AGAP1: variants seen among roughly 807,000 people sequenced by gnomAD.
AGAP1 encodes the protein arf-GAP with GTPase, ANK repeat and PH domain-containing protein 1.
A neutral mutation model predicts 105.3 loss-of-function variants in AGAP1; 29 were observed. The observed-to-expected ratio is 0.28, with a 90% CI of 0.21 to 0.38. The LOEUF (loss-of-function observed/expected upper bound fraction) is 0.38, where lower values mean the gene tolerates loss of function less well. Among genes scored for constraint, AGAP1 ranks in the 10% least tolerant of loss-of-function variants. AGAP1 has a pLI of 1.00. For synonymous variants in AGAP1, 509 were observed against 485.9 expected (o/e 1.05, Z -0.63); for missense variants, 998 against 1,165.1 (o/e 0.86, Z 2.09).
At chr2:235,697,555 G>A (rs1403874731) in intron 1 of AGAP1, among the ~76,000 whole-genome samples, 1 of 152,146 alleles carries the variant, frequency 6.6e-6, no homozygotes, top group Non-Finnish European at 1.5e-5. Context: ...TTCACAGACT[G>A]TGCTCCCTTC....
At chr2:236,019,606 G>A (rs1044997974) in intron 13 of AGAP1, among the ~76,000 whole-genome samples, 1 of 152,234 alleles carries the variant, frequency 6.6e-6, no homozygotes, top group African/African-American at 2.4e-5. Flanking sequence ...AGACGGGGCT[G>A]GAATTCCAGG....
intron 5 of AGAP1, among the ~76,000 whole-genome samples, chr2:235,746,331 G>A (rs539061614): frequency 7.2e-6 from 1 of 139,164 alleles, no homozygotes; most frequent in Non-Finnish European, 1.5e-5. Context: ...CAGTGTGCTA[G>A]ATGAGAGATG....
chr2:235,910,018 CAA>C (rs35849910), intron 11 of AGAP1, among the ~76,000 whole-genome samples: 2 of 149,536 alleles, frequency 1.3e-5, no homozygotes, highest in East Asian at 2.0e-4. Flanking sequence ...GACTCTATCT[CAA>C]AAAAAAAAAC....
intron 6 of AGAP1, among the ~76,000 whole-genome samples, chr2:235,756,997 C>CA (rs966277922): frequency 2.6e-5 from 4 of 152,056 alleles, no homozygotes; most frequent in African/African-American, 9.7e-5. Flanking sequence ...ACCTTCTAGT[C>CA]ACTTGTTAAA....
At chr2:235,746,404 T>TTTTTTTTTTTTC (rs1952951683) in intron 5 of AGAP1, among the ~76,000 whole-genome samples, 1 of 116,108 alleles carries the variant, frequency 8.6e-6, no homozygotes, top group Admixed American at 1.1e-4. Flanking sequence ...TTTTTTTTTT[T>TTTTTTTTTTTTC]TTTTTTTAAA....
At position 235,729,934 on chromosome 2, in the gene AGAP1, T is replaced by C. The variant is rs1951850903; in HGVS notation, c.311-11029T>C. Among the ~76,000 whole-genome samples, 1 of 152,132 alleles carries C rather than the reference T, an allele frequency of 6.6e-6. No individual in the cohort carries two copies. The highest frequency in any genetic ancestry group is 6.5e-5 in the Admixed American group (1 of 15,278). On this transcript the variant is annotated intron_variant, in intron 3 of 17. Transcript: ENST00000304032. This position sits in a 1 kb window ranked among gnomAD's most constrained non-coding sequence, Gnocchi z 5.0. ...CTAAAATGTTTACTTTCTGGCCTTTTACACAGGCAGTTCGCCAGCCCCCTA... is the reference window on the plus strand; with the variant it reads ...CTAAAATGTTTACTTTCTGGCCTTTCACACAGGCAGTTCGCCAGCCCCCTA...
chr2:235,735,587 G>A (rs77592367), intron 3 of AGAP1, among the ~76,000 whole-genome samples: 4,793 of 152,206 alleles, frequency 0.031, 240 homozygotes, highest in African/African-American at 0.1. Context: ...TTTAAAAAAC[G>A]AAAGAGTGTA....
rs1185167960 is a variant in AGAP1, at chr2:235,747,265, A to G, written c.538+2426A>G. ...GCCAGGGTGGCTGCTTAGATTCTCG[A>G]GAAACCCTGATGAAGTTGAAGTCCT... On this transcript the variant is annotated intron_variant, in intron 5 of 17. Transcript: ENST00000304032. This position sits in a 1 kb window ranked among gnomAD's most constrained non-coding sequence, Gnocchi z 5.0. Among the ~76,000 whole-genome samples the G allele has an allele frequency of 6.6e-6, 1 of 152,108 alleles. No individual in the cohort carries two copies. Among genetic ancestry groups the G allele is most frequent in the Non-Finnish European group, 1.5e-5 (1 of 68,030 alleles).
intron 1 of AGAP1, among the ~76,000 whole-genome samples, chr2:235,587,372 A>T (rs1342767275): frequency 6.6e-6 from 1 of 152,124 alleles, no homozygotes. Context: ...CATAGGTGGG[A>T]GGCTGGGATT....
chr2:235,818,798 T>A (rs1958611329), intron 9 of AGAP1, among the ~76,000 whole-genome samples: 1 of 152,212 alleles, frequency 6.6e-6, no homozygotes, highest in South Asian at 2.1e-4. Flanking sequence ...GTTCTCGAAC[T>A]CCTGACCTTA....
chr2:235,984,324 G>A (rs997350774), intron 13 of AGAP1, among the ~76,000 whole-genome samples: 2 of 152,054 alleles, frequency 1.3e-5, no homozygotes, highest in African/African-American at 4.8e-5. Context: ...CCGCCTTTTG[G>A]CTGTTATGAA....
chr2:235,709,171 T>C lies in AGAP1; in HGVS notation c.164-8T>C. On this transcript the variant is annotated splice_polypyrimidine_tract_variant and splice_region_variant and intron_variant, in intron 1 of 17. Transcript: ENST00000304032. ...TGGTGTCTGACTTTGTGTCCTCCTC[T>C]TTTTCAGATGCCTTCGTGAACAGCC... 1 of 1,614,068 alleles carries C rather than the reference T, an allele frequency of 6.2e-7. No homozygotes were observed. Among genetic ancestry groups the C allele is most frequent in the Admixed American group, 1.7e-5 (1 of 60,022 alleles).
Position 235,752,787 on chromosome 2 carries a change from A to G in AGAP1, c.673+2299A>G, listed in dbSNP as rs181392207. Among the ~76,000 whole-genome samples, 25 of 152,328 alleles carry G rather than the reference A, an allele frequency of 1.6e-4. No homozygotes were observed. Among genetic ancestry groups the G allele is most frequent in the Admixed American group, 4.6e-4 (7 of 15,300 alleles). On this transcript the variant is annotated intron_variant, in intron 6 of 17. Transcript: ENST00000304032. This position sits in a 1 kb window ranked among gnomAD's most constrained non-coding sequence, Gnocchi z 4.3. ...AAAATAATGTTGTCAATTAATGAAT[A>G]CTGGGGGTTGTCAGGATGATGCTGC...
At position 236,021,973 on chromosome 2, in the gene AGAP1, C is replaced by T. The variant is rs183295115; in HGVS notation, c.1646-14588C>T. Among the ~76,000 whole-genome samples the T allele has an allele frequency of 5.9e-3, 869 of 148,346 alleles. 5 individuals carry two copies. The highest frequency in any genetic ancestry group is 0.02 in the African/African-American group (818 of 40,048). On this transcript the variant is annotated intron_variant, in intron 13 of 17. Transcript: ENST00000304032. The stretch of plus-strand genomic sequence containing the variant: ...ACTCGGGAGGCTGAGGTGGGAGAAG[C>T]GCTTGAGCCCAGGAGGTGGAGGTTG...
intron 1 of AGAP1, among the ~76,000 whole-genome samples, chr2:235,673,561 T>G (rs1948556925): frequency 6.6e-6 from 1 of 152,192 alleles, no homozygotes; most frequent in African/African-American, 2.4e-5. Context: ...GTGAAATAAA[T>G]AGTGATTAAA....
At chr2:236,072,100 T>C (rs960046257) in intron 16 of AGAP1, among the ~76,000 whole-genome samples, 2 of 150,820 alleles carry the variant, frequency 1.3e-5, no homozygotes, top group Non-Finnish European at 3.0e-5. Flanking sequence ...CTGTCTGTTC[T>C]CTCCAAAAGT....
intron 1 of AGAP1, chr2:235,670,880 G>T: frequency 7.7e-7 from 1 of 1,302,052 alleles, no homozygotes. Flanking sequence ...CGCGGCCTCG[G>T]AGCACCGGCT....
At chr2:236,031,492 C>G (rs969208179) in intron 13 of AGAP1, among the ~76,000 whole-genome samples, 1 of 152,098 alleles carries the variant, frequency 6.6e-6, no homozygotes, top group Non-Finnish European at 1.5e-5. Flanking sequence ...TCAAAGCTGC[C>G]TTCATTGAGA....
chr2:235,627,210 T>TG (rs1413989662), intron 1 of AGAP1, among the ~76,000 whole-genome samples: 125 of 147,734 alleles, frequency 8.5e-4, no homozygotes, highest in South Asian at 4.2e-3. Context: ...TTTTTTTTTT[T>TG]TTTTTTGATA....
Sources: allele counts gnomAD v4.1 joint callset (sites outside exome capture counted in the v4.1 genomes callset), GRCh38; gene constraint gnomAD v4.1.1; non-coding constraint Gnocchi (gnomAD v3.1); transcripts MANE v1.5; gene names NCBI Gene and HGNC (gene_info 2026-07-23, HGNC 2026-07-21).